Variants in HERC6 observed in about 807,000 individuals in gnomAD.
The protein encoded by HERC6 is HECT and RLD domain containing E3 ubiquitin protein ligase family member 6.
HERC6 carries 101 observed loss-of-function variants against 114.5 expected under a neutral mutation model. The observed-to-expected ratio is 0.88, with a 90% confidence interval of 0.75 to 1.04. The LOEUF is 1.04. Ranked by LOEUF, HERC6 falls within the 50% of genes least tolerant of loss-of-function variation. The pLI, the probability that HERC6 is intolerant of heterozygous loss-of-function variation, is 0.00. For synonymous variants in HERC6, 408 were observed against 436.2 expected, an observed-to-expected ratio of 0.94 and a Z score of 0.81; for missense variants, 1,133 against 1,230.9, an observed-to-expected ratio of 0.92 and a Z score of 1.19.
At chr4:88,382,808 C>A (rs1734387233) in intron 1 of HERC6, among the ~76,000 whole-genome samples, 1 of 152,068 alleles carries the variant, frequency 6.6e-6, no homozygotes, top group African/African-American at 2.4e-5. Context: ...AGTGGAAAGT[C>A]CCTTGTTTGA....
At chr4:88,385,265 A>C (rs1041180040) in intron 2 of HERC6, among the ~76,000 whole-genome samples, 3 of 152,232 alleles carry the variant, frequency 2.0e-5, no homozygotes, top group Admixed American at 6.5e-5. Context: ...GTCCAATAGC[A>C]ATGGCTTTTG....
At chr4:88,401,583 G>A (rs531896582) in intron 8 of HERC6, among the ~76,000 whole-genome samples, 41 of 152,168 alleles carry the variant, frequency 2.7e-4, no homozygotes, top group Non-Finnish European at 4.9e-4. Context: ...AGAATCTAAC[G>A]CGTGATTGAG....
intron 18 of HERC6, among the ~76,000 whole-genome samples, chr4:88,436,402 TAGTGTGAGAATA>T (rs1238651283): frequency 2.6e-5 from 4 of 152,210 alleles, no homozygotes; most frequent in Non-Finnish European, 5.9e-5. Context: ...CGTGTACTGT[TAGTGTGAGAATA>T]TATTGGCTAG....
intron 10 of HERC6, 71 bp downstream of exon 10, chr4:88,405,684 G>A: frequency 3.7e-6 from 3 of 807,084 alleles, no homozygotes; most frequent in Non-Finnish European, 5.5e-6. Context: ...TTTCAAGTAA[G>A]TTTAATTTGT....
chr4:88,438,523 G>A (rs1738999023), intron 20 of HERC6, among the ~76,000 whole-genome samples: 1 of 151,940 alleles, frequency 6.6e-6, no homozygotes, highest in African/African-American at 2.4e-5. Flanking sequence ...GGATTACAAG[G>A]GTGAGCCACC....
At chr4:88,410,810 G>A (rs1011856069) in intron 11 of HERC6, among the ~76,000 whole-genome samples, 5 of 152,192 alleles carry the variant, frequency 3.3e-5, no homozygotes, top group African/African-American at 1.2e-4. Flanking sequence ...GCTCCTATGG[G>A]AAGAACAAAT....
intron 5 of HERC6, among the ~76,000 whole-genome samples, chr4:88,395,031 A>G (rs1448169693): frequency 6.6e-6 from 1 of 152,212 alleles, no homozygotes; most frequent in Non-Finnish European, 1.5e-5. Flanking sequence ...TCCTCACCAT[A>G]CAATATATTC....
At position 88,380,474 on chromosome 4, in the gene HERC6, T is replaced by C. The variant is rs565994691; in HGVS notation, c.199+1354T>C. On this transcript the variant is annotated intron_variant, in intron 1 of 22. Transcript: ENST00000264346. ...TGGCTTACGCCTGTGATCCCAGCAC[T>C]TTGGGAGGCCGAGGCGGGCGGAGCA... Among the ~76,000 whole-genome samples, 282 of 133,452 alleles carry C rather than the reference T, an allele frequency of 2.1e-3. 2 individuals carry two copies. The highest frequency in any genetic ancestry group is 7.6e-3 in the African/African-American group (270 of 35,304). 87.5% of individuals were successfully genotyped at this position (133,452 alleles called of 152,430 possible). A position where few individuals can be genotyped will look rare whatever the true frequency, so the allele number is the denominator to read the frequency against.
At chr4:88,414,828 T>C (rs1382266104) in intron 12 of HERC6, among the ~76,000 whole-genome samples, 1 of 152,188 alleles carries the variant, frequency 6.6e-6, no homozygotes, top group Non-Finnish European at 1.5e-5. Flanking sequence ...ATGACCTGTA[T>C]CTTGTGCTGA....
At chr4:88,387,801 A>G (rs1282384163) in intron 3 of HERC6, among the ~76,000 whole-genome samples, 2 of 152,232 alleles carry the variant, frequency 1.3e-5, no homozygotes, top group African/African-American at 2.4e-5. Flanking sequence ...GAGGCACCAT[A>G]AATAGGAACG....
intron 2 of HERC6, among the ~76,000 whole-genome samples, 161 bp downstream of exon 2, chr4:88,383,541 T>C (rs1426210404): frequency 6.6e-6 from 1 of 151,904 alleles, no homozygotes; most frequent in Non-Finnish European, 1.5e-5. Flanking sequence ...GGCAGATCAC[T>C]TGAGGTCAGG....
At chr4:88,420,161 T>A (rs115964456) in intron 13 of HERC6, among the ~76,000 whole-genome samples, 2,707 of 152,280 alleles carry the variant, frequency 0.018, 85 homozygotes, top group African/African-American at 0.062. Flanking sequence ...AAAATACACC[T>A]CTTTCCCTGG....
Position 88,436,889 on chromosome 4 carries a change from C to A in HERC6, c.2418-16C>A. 1 of 1,579,542 alleles carries A rather than the reference C, an allele frequency of 6.3e-7. No homozygotes were observed. Among genetic ancestry groups the A allele is most frequent in the Admixed American group, 1.8e-5 (1 of 55,700 alleles). Reference sequence around the variant, plus strand: ...AGATCAATAAATATAATTTTTAAAACCAAAATCTTCATTAGGAGTTTGCAA... The same window carrying A: ...AGATCAATAAATATAATTTTTAAAAACAAAATCTTCATTAGGAGTTTGCAA... On this transcript the variant is annotated splice_polypyrimidine_tract_variant and intron_variant, in intron 18 of 22. Coordinates refer to ENST00000264346, the MANE Select transcript of HERC6 (RefSeq NM_017912.4).
At position 88,379,459 on chromosome 4, in the gene HERC6, A is replaced by T. The variant is rs1734045682; in HGVS notation, c.199+339A>T. ...AAAGCGAAACTGAGAGCCGAAACTA[A>T]CCTGGTCAGCGCTGCTCTGGAAAGA... On this transcript the variant is annotated intron_variant, in intron 1 of 22. Transcript: ENST00000264346. Among the ~76,000 whole-genome samples, 4 of 151,450 alleles carry T rather than the reference A, an allele frequency of 2.6e-5. No individual in the cohort carries two copies. The South Asian group carries it at 8.3e-4, about 31-fold the overall frequency.
chr4:88,436,569 C>A (rs1738769298), intron 18 of HERC6, among the ~76,000 whole-genome samples: 1 of 152,176 alleles, frequency 6.6e-6, no homozygotes, highest in Non-Finnish European at 1.5e-5. Flanking sequence ...TAGCAACCTT[C>A]CCTCCAAGTG....
rs370556062 is a variant in HERC6 at position 88,378,940 on chromosome 4, G to T, written c.19G>T (p.Ala7Ser). The change falls in exon 1 of 23, where the codon GCC becomes TCC. Residue 7 changes from alanine (A) to serine (S), a missense_variant. Coordinates refer to ENST00000264346, the MANE Select transcript of HERC6 (RefSeq NM_017912.4). MYFCWG[A>S]DSRELQRRRT... is the part of the protein sequence containing the mutation. ...AAGCGGGATGTACTTCTGTTGGGGC[G>T]CCGACTCCAGGGAGCTGCAGCGCCG... The T allele has an allele frequency of 1.3e-6, 2 of 1,593,308 alleles. No homozygotes were observed. Among genetic ancestry groups the T allele is most frequent in the Non-Finnish European group, 1.7e-6 (2 of 1,170,898 alleles).
Position 88,405,408 on chromosome 4 carries a change from C to T in HERC6, c.1215-146C>T, listed in dbSNP as rs1735770536. 7 of 462,850 alleles carry T rather than the reference C, an allele frequency of 1.5e-5. No individual in the cohort carries two copies. In the South Asian group the frequency reaches 3.8e-4, roughly 25 times the overall value. The allele number at this position is 462,850 out of a possible 1,614,324, so 28.7% of individuals were successfully genotyped here. On this transcript the variant is annotated intron_variant, in intron 9 of 22. Coordinates refer to ENST00000264346, the MANE Select transcript of HERC6 (RefSeq NM_017912.4). The stretch of plus-strand genomic sequence containing the variant: ...TTAGAAATAATATGAACAAAGTATA[C>T]CCAGGATTTGGGAGACTCTTAAGAG...
rs927355379 is a variant in HERC6, at chr4:88,428,652, C to T, written c.2008C>T (p.Pro670Ser). 3 of 1,607,714 alleles carry T rather than the reference C, an allele frequency of 1.9e-6. No individual in the cohort carries two copies. The African/African-American group carries it at 4.0e-5, about 21-fold the overall frequency. ...AAAAAAGGATGAATTTCCTCCATCA[C>T]CCAGATTTATACTTAGAGTCAGACG... is the stretch of plus-strand genomic sequence containing the variant. ...LQKKDEFPPS[P>S]RFILRVRRSR... The change falls in exon 16 of 23, where the codon CCC (proline) becomes TCC (serine). Residue 670 changes from proline to serine, a missense_variant. By Grantham distance (74) the Pro-to-Ser change is moderately conservative. This residue lies in a region of HERC6 where 388 missense variants were observed against 445.9 expected (regional missense o/e 0.87). Transcript: ENST00000264346.
chr4:88,422,822 G>A (rs1737197088), intron 13 of HERC6, among the ~76,000 whole-genome samples: 1 of 152,098 alleles, frequency 6.6e-6, no homozygotes, highest in South Asian at 2.1e-4. Flanking sequence ...TAAATGATAG[G>A]TAGAACTAAT....
Sources: gnomAD v4.1 joint callset for allele counts (sites outside exome capture counted in the v4.1 genomes callset) on GRCh38, gnomAD v4.1.1 for gene constraint, gnomAD v4.1.1 regional missense constraint, MANE v1.5 for transcripts, NCBI Gene and HGNC (gene_info 2026-07-23, HGNC 2026-07-21) for gene names.